The following PCDHGB1 variants were observed in gnomAD, a reference collection of about 807,000 sequenced individuals.
The protein encoded by PCDHGB1 is protocadherin gamma subfamily B, 1, also known as protocadherin gamma-B1.
In PCDHGB1, 34 loss-of-function variants were observed where a neutral mutation model predicts 56.6. The observed-to-expected ratio is 0.60, with a 90% CI of 0.46 to 0.80. The LOEUF (loss-of-function observed/expected upper bound fraction) is 0.80, where lower values mean the gene tolerates loss of function less well. PCDHGB1 is among the 30% of genes least tolerant of loss of function. The pLI, the probability that PCDHGB1 is intolerant of heterozygous loss-of-function variation, is 0.00. For missense variants in PCDHGB1, 1,278 were observed against 1,204.6 expected (o/e 1.06, Z -0.90); for synonymous variants, 561 against 505.9 (o/e 1.11, Z -1.46).
intron 1 of PCDHGB1, chr5:141,411,305 C>T (rs1317785609): frequency 6.6e-6 from 1 of 152,176 alleles, no homozygotes; most frequent in Non-Finnish European, 1.5e-5. Context: ...CCCAGTGGCT[C>T]ACACCTATAA....
rs138031063 is a variant in PCDHGB1 at position 141,447,985 on chromosome 5, C to T, written c.2410-46822C>T. Among the ~76,000 whole-genome samples the T allele has an allele frequency of 3.9e-3, 591 of 152,010 alleles. 6 individuals are homozygous for T. The highest frequency in any genetic ancestry group is 0.011 in the Admixed American group (170 of 15,260). On this transcript the variant is annotated intron_variant, in intron 1 of 3. Transcript: ENST00000523390. ...CCTATAATCCCAGCTACTCGGGAGG[C>T]TGAGGCATGAGAATCGCTTGAACCC...
chr5:141,376,309 C>A (rs775051431), intron 1 of PCDHGB1: 109 of 1,614,030 alleles, frequency 6.8e-5, no homozygotes, highest in Non-Finnish European at 8.9e-5. Context: ...ACTTTGTGGG[C>A]GTGGAAGGGG....
chr5:141,370,879 T>G lies in PCDHGB1; in HGVS notation c.2409+18210T>G, dbSNP rs760679770. 18 of 1,613,950 alleles carry G rather than the reference T, an allele frequency of 1.1e-5. No individual in the cohort carries two copies. The highest frequency in any genetic ancestry group is 1.4e-5 in the Non-Finnish European group (17 of 1,179,914). On this transcript the variant is annotated intron_variant, in intron 1 of 3. Coordinates refer to ENST00000523390, the MANE Select transcript of PCDHGB1 (RefSeq NM_018922.3). ...CTGGAATCTGCGCAAGATCCTGATGTAGGTGTCAATTCGCTGCAGCAGTAC... is the reference window on the plus strand; with the variant it reads ...CTGGAATCTGCGCAAGATCCTGATGGAGGTGTCAATTCGCTGCAGCAGTAC...
intron 1 of PCDHGB1, chr5:141,441,857 ACGCCGC>A (rs2098279969): frequency 2.8e-6 from 1 of 352,664 alleles, no homozygotes; most frequent in Non-Finnish European, 5.6e-6. Flanking sequence ...ATGGTGCTGC[ACGCCGC>A]GGAGCCTGGC....
At chr5:141,375,616 T>A (rs745318336) in intron 1 of PCDHGB1, 5 of 1,614,200 alleles carry the variant, frequency 3.1e-6, no homozygotes, top group Admixed American at 1.7e-5. Flanking sequence ...ACTCCGACAC[T>A]GGGATTCTGT....
At chr5:141,384,000 T>C (rs1160567279) in intron 1 of PCDHGB1, 2 of 1,613,774 alleles carry the variant, frequency 1.2e-6, no homozygotes, top group African/African-American at 1.3e-5. Flanking sequence ...CAGTCATTGC[T>C]CTTTTCTACC....
chr5:141,415,427 G>C, intron 1 of PCDHGB1: 3 of 1,614,188 alleles, frequency 1.9e-6, no homozygotes, highest in Non-Finnish European at 2.5e-6. Flanking sequence ...GACGGGGTTC[G>C]GGCTTTCCTG....
At chr5:141,508,732 C>A (rs1037039751) in intron 3 of PCDHGB1, among the ~76,000 whole-genome samples, 3 of 151,880 alleles carry the variant, frequency 2.0e-5, no homozygotes, top group Non-Finnish European at 4.4e-5. Flanking sequence ...GGAGACTACA[C>A]CCCCCACCCC....
intron 1 of PCDHGB1, chr5:141,478,260 T>C (rs1340624663): frequency 6.2e-7 from 1 of 1,614,182 alleles, no homozygotes; most frequent in East Asian, 2.2e-5. Context: ...GTAATCATAT[T>C]CAAAGTTTAC....
chr5:141,419,315 C>A lies in PCDHGB1; in HGVS notation c.2409+66646C>A, dbSNP rs2096357855. ...TGACCCAGACTTCGGGCTCAACGGC[C>A]GTGTCTCCTACTCTCTCATTGCCAG... On this transcript the variant is annotated intron_variant, in intron 1 of 3. Transcript: ENST00000523390. 3 of 1,613,880 alleles carry A rather than the reference C, an allele frequency of 1.9e-6. No homozygotes were observed. Among genetic ancestry groups the A allele is most frequent in the Non-Finnish European group, 2.5e-6 (3 of 1,179,910 alleles).
intron 1 of PCDHGB1, among the ~76,000 whole-genome samples, chr5:141,353,830 G>A (rs1007675238): frequency 6.6e-6 from 1 of 152,088 alleles, no homozygotes; most frequent in East Asian, 1.9e-4. Flanking sequence ...CAGTTTGTGC[G>A]GTCTTTGAGG....
chr5:141,449,588 CAAA>C (rs768743917), intron 1 of PCDHGB1, among the ~76,000 whole-genome samples: 1 of 57,486 alleles, frequency 1.7e-5, no homozygotes, highest in Non-Finnish European at 3.7e-5. Context: ...GACTCTGTCT[CAAA>C]AAAAAAAAAA....
intron 1 of PCDHGB1, chr5:141,383,281 G>C: frequency 6.2e-7 from 1 of 1,613,922 alleles, no homozygotes; most frequent in Non-Finnish European, 8.5e-7. Context: ...AGATATTAAT[G>C]ACAACGTTCC....
chr5:141,494,906 A>T, intron 2 of PCDHGB1, 41 bp downstream of exon 2: 1 of 1,613,800 alleles, frequency 6.2e-7, no homozygotes, highest in Non-Finnish European at 8.5e-7. Flanking sequence ...TCTCTGCGGC[A>T]TTTTCTCAGG....
Position 141,450,830 on chromosome 5 carries a change from T to TTA in PCDHGB1, c.2410-43976_2410-43975insAT, listed in dbSNP as rs200967731. 4.3e-3 allele frequency among the ~76,000 whole-genome samples: 438 copies of TTA among 101,540 alleles called. 3 individuals carry two copies. Among genetic ancestry groups the TTA allele is most frequent in the African/African-American group, 0.015 (349 of 23,046 alleles). 66.6% of individuals were successfully genotyped at this position (101,540 alleles called of 152,430 possible). ...TATTTATTTAATATTATTATTATTA[T>TTA]TTTTTTTTTTTTGAGATGGGGTCTT... On this transcript the variant is annotated intron_variant, in intron 1 of 3. Transcript: ENST00000523390.
Position 141,489,358 on chromosome 5 carries a change from G to C in PCDHGB1, c.2410-5449G>C. 1 of 1,613,144 alleles carries C rather than the reference G, an allele frequency of 6.2e-7. No homozygotes were observed. The highest frequency in any genetic ancestry group is 1.7e-4 in the Middle Eastern group (1 of 6,052). On this transcript the variant is annotated intron_variant, in intron 1 of 3. Coordinates refer to ENST00000523390, the MANE Select transcript of PCDHGB1 (RefSeq NM_018922.3). The surrounding 1 kb of genome is among the most constrained non-coding windows in gnomAD (Gnocchi z 4.5). ...TCGTTACTCAGTGGTGGAGGAGTCT[G>C]AGCCGGGGACGCTGGTGGGGAATGT...
chr5:141,423,503 C>T (rs1225012888), intron 1 of PCDHGB1: 2 of 1,613,984 alleles, frequency 1.2e-6, no homozygotes, highest in South Asian at 2.2e-5. Context: ...CACGAGGTCT[C>T]TCTCATTGCG....
chr5:141,378,334 C>T (rs1228314593), intron 1 of PCDHGB1: 1 of 152,202 alleles, frequency 6.6e-6, no homozygotes, highest in East Asian at 1.9e-4. Flanking sequence ...ACCAGCCTGA[C>T]CAACATGGTG....
intron 1 of PCDHGB1, among the ~76,000 whole-genome samples, chr5:141,430,101 G>C (rs918427744): frequency 6.6e-6 from 1 of 152,036 alleles, no homozygotes; most frequent in African/African-American, 2.4e-5. Context: ...ATTTTTAAGC[G>C]TTACATGTCA....
Sources: gnomAD v4.1 joint callset for allele counts (sites outside exome capture counted in the v4.1 genomes callset) on GRCh38, gnomAD v4.1.1 for gene constraint, Gnocchi (gnomAD v3.1) non-coding constraint, MANE v1.5 for transcripts, NCBI Gene and HGNC (gene_info 2026-07-23, HGNC 2026-07-21) for gene names.